The following TBC1D5 variants were observed in gnomAD, a reference collection of about 807,000 sequenced individuals.
TBC1D5 encodes TBC1 domain family, member 5.
In TBC1D5, 75 loss-of-function variants were observed where a neutral mutation model predicts 100.3. The observed-to-expected ratio is 0.75, with a 90% CI of 0.62 to 0.91. The LOEUF is 0.91. Ranked by LOEUF, TBC1D5 falls within the 40% of genes least tolerant of loss-of-function variation. The probability of loss-of-function intolerance (pLI) is 0.00; values close to 1 mark genes in which losing one functional copy is unlikely to be tolerated. For missense variants in TBC1D5, 910 were observed against 942.4 expected, an observed-to-expected ratio of 0.97 and a Z score of 0.45; for synonymous variants, 323 against 325.6, an observed-to-expected ratio of 0.99 and a Z score of 0.09.
chr3:17,464,646 T>C (rs1337378158), intron 3 of TBC1D5, among the ~76,000 whole-genome samples: 2 of 152,194 alleles, frequency 1.3e-5, no homozygotes, highest in South Asian at 4.1e-4. Context: ...TACTGAACAT[T>C]GTTTCCATTT....
At chr3:17,545,723 C>T (rs189710243) in intron 2 of TBC1D5, among the ~76,000 whole-genome samples, 2 of 152,226 alleles carry the variant, frequency 1.3e-5, no homozygotes, top group African/African-American at 4.8e-5. Context: ...ATAAGAGACA[C>T]AAACACTGAA....
intron 15 of TBC1D5, among the ~76,000 whole-genome samples, chr3:17,268,385 A>G (rs1304014446): frequency 1.3e-5 from 2 of 152,064 alleles, no homozygotes; most frequent in Non-Finnish European, 2.9e-5. Context: ...TTTCTGGTAA[A>G]GATTTTGGTC....
In TBC1D5 at chr3:17,167,932, C is replaced by G. The variant is rs550952631; in HGVS notation, c.1853-104G>C. 9 of 762,226 alleles carry G rather than the reference C, an allele frequency of 1.2e-5. No homozygotes were observed. In the African/African-American group the frequency reaches 1.4e-4, roughly 12 times the overall value. The allele number at this position is 762,226 out of a possible 1,614,324, so 47.2% of individuals were successfully genotyped here. ...GCTTGGGAAGTTTTCTGCCAAATCT[C>G]ACAGCAACTACTCCCACAAAAGATG... On this transcript the variant is annotated intron_variant, in intron 19 of 21. Transcript: ENST00000253692.
rs538810282 is a variant in TBC1D5 at position 17,563,907 on chromosome 3, C to A, written c.-35-55302G>T. On this transcript the variant is annotated intron_variant, in intron 2 of 21. Transcript: ENST00000253692. ...ACGCCATTCTCCTGCCTCAGCCTCC[C>A]GAGTAGCTGGGACTACAAGCGCCCG... 2.8e-4 allele frequency among the ~76,000 whole-genome samples: 42 copies of A among 152,282 alleles called. No homozygotes were observed. The South Asian group carries it at 3.5e-3, about 13-fold the overall frequency.
chr3:17,299,273 G>A (rs1201551032), intron 14 of TBC1D5, among the ~76,000 whole-genome samples: 1 of 152,098 alleles, frequency 6.6e-6, no homozygotes, highest in Non-Finnish European at 1.5e-5. Flanking sequence ...AACAGAGTGG[G>A]GTGGCTACAG....
chr3:17,551,090 A>T (rs1029570119), intron 2 of TBC1D5, among the ~76,000 whole-genome samples: 2 of 152,126 alleles, frequency 1.3e-5, no homozygotes, highest in Admixed American at 6.5e-5. Context: ...TTAAGTGCAT[A>T]AACATGCACT....
chr3:17,604,742 A>G (rs1362993270), intron 2 of TBC1D5, among the ~76,000 whole-genome samples: 2 of 152,142 alleles, frequency 1.3e-5, no homozygotes, highest in African/African-American at 2.4e-5. Flanking sequence ...CTGCAACCTC[A>G]GTGCTCACTG....
chr3:17,158,226 CAT>C (rs1446845602), exon 22 of TBC1D5: 1 of 152,152 alleles, frequency 6.6e-6, no homozygotes, highest in Non-Finnish European at 1.5e-5. Context: ...CATAGGGACA[CAT>C]ATAAAAACAG....
At chr3:17,479,741 G>C (rs550691143) in intron 3 of TBC1D5, among the ~76,000 whole-genome samples, 1 of 152,190 alleles carries the variant, frequency 6.6e-6, no homozygotes, top group Non-Finnish European at 1.5e-5. Context: ...AGGAGACGGA[G>C]GCAGGAAGAT....
chr3:17,346,418 C>A (rs770346828), intron 13 of TBC1D5, among the ~76,000 whole-genome samples: 19 of 152,016 alleles, frequency 1.2e-4, no homozygotes, highest in Non-Finnish European at 1.9e-4. Context: ...GTCTGTACCA[C>A]CTGCCCATTT....
intron 1 of TBC1D5, among the ~76,000 whole-genome samples, chr3:17,682,388 T>C (rs1017842202): frequency 6.6e-6 from 1 of 151,562 alleles, no homozygotes; most frequent in Admixed American, 6.6e-5. Flanking sequence ...AAAGTAATCA[T>C]CTTTTACTGT....
chr3:17,454,304 C>T (rs1038379946), intron 3 of TBC1D5, among the ~76,000 whole-genome samples: 1 of 151,928 alleles, frequency 6.6e-6, no homozygotes, highest in Non-Finnish European at 1.5e-5. Flanking sequence ...TAAATGGTAT[C>T]CGAATTGGAA....
intron 3 of TBC1D5, among the ~76,000 whole-genome samples, chr3:17,476,483 TC>T (rs1248082667): frequency 6.6e-6 from 1 of 152,030 alleles, no homozygotes; most frequent in African/African-American, 2.4e-5. Flanking sequence ...TATCTGTTCT[TC>T]CCACTAGTCT....
chr3:17,283,261 C>T (rs1434272663), intron 15 of TBC1D5, among the ~76,000 whole-genome samples: 1 of 152,140 alleles, frequency 6.6e-6, no homozygotes, highest in Admixed American at 6.5e-5. Flanking sequence ...TTCTACAGTT[C>T]AAGAAATGAA....
chr3:17,313,518 A>G (rs554912475), intron 13 of TBC1D5, among the ~76,000 whole-genome samples: 2 of 152,236 alleles, frequency 1.3e-5, no homozygotes, highest in African/African-American at 4.8e-5. Context: ...AAAAATAATT[A>G]CTCCTATCCT....
chr3:17,463,861 T>G (rs1402689816), intron 3 of TBC1D5, among the ~76,000 whole-genome samples: 3 of 152,102 alleles, frequency 2.0e-5, no homozygotes, highest in Non-Finnish European at 4.4e-5. Context: ...ATCGTATCTC[T>G]TCTCACAGCT....
At chr3:17,435,767 G>A (rs982387183) in intron 3 of TBC1D5, among the ~76,000 whole-genome samples, 2 of 152,206 alleles carry the variant, frequency 1.3e-5, no homozygotes, top group Non-Finnish European at 2.9e-5. Flanking sequence ...GCAAAAGCTG[G>A]TGAGGATTTC....
chr3:17,326,621 C>CA (rs1461172179), intron 13 of TBC1D5, among the ~76,000 whole-genome samples: 1 of 152,134 alleles, frequency 6.6e-6, no homozygotes, highest in Non-Finnish European at 1.5e-5. Context: ...CACAGGTATT[C>CA]ACCACGCCCT....
intron 2 of TBC1D5, among the ~76,000 whole-genome samples, chr3:17,617,725 G>A (rs754042021): frequency 6.6e-5 from 10 of 152,074 alleles, no homozygotes; most frequent in Non-Finnish European, 1.0e-4. Context: ...CGAAGTTCTC[G>A]TGCCATGGTT....
Sources: gnomAD v4.1 joint callset for allele counts (sites outside exome capture counted in the v4.1 genomes callset) on GRCh38, gnomAD v4.1.1 for gene constraint, MANE v1.5 for transcripts, NCBI Gene and HGNC (gene_info 2026-07-23, HGNC 2026-07-21) for gene names.